Variants in SCN10A observed in about 807,000 individuals in gnomAD.
SCN10A encodes sodium channel protein type 10 subunit alpha.
In SCN10A, 162 loss-of-function variants were observed where a neutral mutation model predicts 170.7. That is an observed-to-expected ratio of 0.95 (90% confidence interval 0.84 to 1.08). SCN10A has a LOEUF of 1.08. Ranked by LOEUF, SCN10A falls within the 50% of genes least tolerant of loss-of-function variation. SCN10A has a pLI of 0.00. For synonymous variants in SCN10A, 985 were observed against 904.6 expected, an observed-to-expected ratio of 1.09 and a Z score of -1.59; for missense variants, 2,527 against 2,436.9, an observed-to-expected ratio of 1.04 and a Z score of -0.78.
In SCN10A at chr3:38,698,509, G is replaced by C. The variant is rs1351171675; in HGVS notation, c.4711C>G (p.Leu1571Val). 2 of 1,614,008 alleles carry C rather than the reference G, an allele frequency of 1.2e-6. No individual in the cohort carries two copies. The highest frequency in any genetic ancestry group is 3.3e-5 in the Admixed American group (2 of 59,996). The change falls in exon 28 of 28, where the codon CTC (leucine) becomes GTC (valine). Residue 1571 changes from leucine (L) to valine (V), a missense_variant. Leu to Val is a conservative substitution (Grantham distance 32, BLOSUM62 1). Transcript: ENST00000449082. ...CGGGCCAGGCGGATGACTCTGAAGAGCGTTGGGGAGAAGTAACTTTGAAGT... is the reference window on the plus strand; with the variant it reads ...CGGGCCAGGCGGATGACTCTGAAGACCGTTGGGGAGAAGTAACTTTGAAGT... ...KSLQSYFSPT[L>V]FRVIRLARIG...
intron 14 of SCN10A, among the ~76,000 whole-genome samples, 153 bp from the exon 15 acceptor site, chr3:38,739,841 A>T (rs1466517177): frequency 6.6e-6 from 1 of 152,242 alleles, no homozygotes; most frequent in Non-Finnish European, 1.5e-5. Flanking sequence ...AGGATTGGCC[A>T]GGGTAACAGT....
intron 25 of SCN10A, among the ~76,000 whole-genome samples, chr3:38,708,393 G>A (rs2063233880): frequency 6.6e-6 from 1 of 152,110 alleles, no homozygotes; most frequent in African/African-American, 2.4e-5. Flanking sequence ...TTTCTCATCT[G>A]TAAAATGAGA....
At chr3:38,814,122 A>T (rs2064457085) in intron 1 of SCN10A, among the ~76,000 whole-genome samples, 1 of 152,220 alleles carries the variant, frequency 6.6e-6, no homozygotes, top group Non-Finnish European at 1.5e-5. Context: ...GCAGAGGAAG[A>T]GAGGGAAGGC....
intron 23 of SCN10A, among the ~76,000 whole-genome samples, chr3:38,711,574 GT>G (rs953471795): frequency 1.2e-4 from 19 of 152,174 alleles, no homozygotes; most frequent in African/African-American, 4.3e-4. Context: ...GAGATTATTT[GT>G]TGAATAAATG....
chr3:38,726,514 G>T, intron 17 of SCN10A, 92 bp downstream of exon 17: 1 of 1,022,360 alleles, frequency 9.8e-7, no homozygotes, highest in Non-Finnish European at 1.4e-6. Flanking sequence ...TTTATGTCAA[G>T]GTCTCCTCTG....
chr3:38,787,449 T>C (rs1407925672), intron 4 of SCN10A, among the ~76,000 whole-genome samples: 1 of 152,190 alleles, frequency 6.6e-6, no homozygotes, highest in Non-Finnish European at 1.5e-5. Context: ...ACAATCTTAT[T>C]ATCTGTAAAT....
chr3:38,799,441 C>T (rs1236152764), intron 1 of SCN10A, among the ~76,000 whole-genome samples: 1 of 152,118 alleles, frequency 6.6e-6, no homozygotes, highest in Non-Finnish European at 1.5e-5. Flanking sequence ...TAAAATTTTC[C>T]CCTTTGTAAT....
intron 27 of SCN10A, among the ~76,000 whole-genome samples, chr3:38,700,395 G>A (rs2063144189): frequency 2.6e-5 from 4 of 152,164 alleles, no homozygotes; most frequent in African/African-American, 4.8e-5. Context: ...TAGCAATACC[G>A]TGTTGTCTAC....
intron 13 of SCN10A, among the ~76,000 whole-genome samples, chr3:38,746,359 T>C (rs2063690805): frequency 6.6e-6 from 1 of 151,884 alleles, no homozygotes; most frequent in Admixed American, 6.6e-5. Flanking sequence ...GCCCCTTAGA[T>C]AGCTCTCATA....
At chr3:38,708,947 C>A (rs1335420873) in intron 25 of SCN10A, among the ~76,000 whole-genome samples, 1 of 152,190 alleles carries the variant, frequency 6.6e-6, no homozygotes, top group Non-Finnish European at 1.5e-5. Flanking sequence ...TAGGAAAATA[C>A]TTTATACCTT....
chr3:38,755,256 A>G (rs1055885556), intron 11 of SCN10A, among the ~76,000 whole-genome samples: 1 of 152,010 alleles, frequency 6.6e-6, no homozygotes, highest in East Asian at 1.9e-4. Flanking sequence ...AAAAAAAACT[A>G]AGTAAAAAAA....
chr3:38,809,439 G>A (rs185309240), intron 1 of SCN10A, among the ~76,000 whole-genome samples: 2 of 152,326 alleles, frequency 1.3e-5, no homozygotes, highest in East Asian at 1.9e-4. Context: ...GCTGCAGGAG[G>A]TTATGGGGTT....
At chr3:38,740,491 C>T (rs2063619251) in intron 14 of SCN10A, among the ~76,000 whole-genome samples, 1 of 152,224 alleles carries the variant, frequency 6.6e-6, no homozygotes, top group Non-Finnish European at 1.5e-5. Context: ...GTTTAAGTGA[C>T]TTTCTCATGC....
At chr3:38,711,863 C>T (rs936884502) in intron 23 of SCN10A, among the ~76,000 whole-genome samples, 4 of 152,310 alleles carry the variant, frequency 2.6e-5, no homozygotes, top group East Asian at 1.9e-4. Flanking sequence ...GTGGCTATGC[C>T]GTGTCTATTT....
At chr3:38,794,926 C>G (rs924258069) in intron 1 of SCN10A, among the ~76,000 whole-genome samples, 1 of 152,014 alleles carries the variant, frequency 6.6e-6, no homozygotes, top group Non-Finnish European at 1.5e-5. Flanking sequence ...GTGTCTGCAG[C>G]CTTCTTTCCT....
At chr3:38,739,462 C>T (rs2126012309) in intron 15 of SCN10A, 53 bp downstream of exon 15, 12 of 1,543,492 alleles carry the variant, frequency 7.8e-6, no homozygotes, top group Admixed American at 1.7e-5. Context: ...AGCACAGTGT[C>T]TTCCCTGAAT....
chr3:38,713,979 AAG>A lies in SCN10A; in HGVS notation c.3781_3782del (p.Leu1261PhefsTer4), dbSNP rs1485417752. Reference protein sequence around the residue: ...TLRALRPLRALSRFEGMRVVV... With the variant: ...TLRALRPLRAXSRFEGMRVVV... Reference sequence around the variant, plus strand: ...TTACCCGCATGCCTTCAAATCGAGAAAGAGCCCGCAGTGGCCGCAGAGCGCGA... The same window carrying A: ...TTACCCGCATGCCTTCAAATCGAGAAAGCCCGCAGTGGCCGCAGAGCGCGA... On this transcript the variant is annotated frameshift_variant, in exon 22 of 28. Coordinates refer to ENST00000449082, the MANE Select transcript of SCN10A (RefSeq NM_006514.4). LOFTEE classifies it high-confidence loss of function. The A allele has an allele frequency of 1.1e-5, 18 of 1,613,682 alleles. No homozygotes were observed. The highest frequency in any genetic ancestry group is 1.5e-5 in the Non-Finnish European group (18 of 1,180,040).
chr3:38,714,972 G>A (rs1243037239), intron 21 of SCN10A, among the ~76,000 whole-genome samples: 1 of 152,226 alleles, frequency 6.6e-6, no homozygotes, highest in African/African-American at 2.4e-5. Context: ...TAGGTGGGAT[G>A]CACACAGGAG....
In SCN10A at chr3:38,707,400, A is replaced by C; in HGVS notation, c.4282-17T>G. On this transcript the variant is annotated splice_polypyrimidine_tract_variant and intron_variant, in intron 25 of 27. Transcript: ENST00000449082. ...GCCCCCTAAGTGCAGAGAGGGCCAC[A>C]CTGTTACTAAAGCAAGAGGAACCCC... 6.2e-7 allele frequency: 1 copy of C among 1,612,386 alleles called. No homozygotes were observed. Among genetic ancestry groups the C allele is most frequent in the Non-Finnish European group, 8.5e-7 (1 of 1,178,482 alleles).
Sources: allele counts gnomAD v4.1 joint callset (sites outside exome capture counted in the v4.1 genomes callset), GRCh38; gene constraint gnomAD v4.1.1; transcripts MANE v1.5; gene names NCBI Gene and HGNC (gene_info 2026-07-23, HGNC 2026-07-21).